The following SGCD variants were observed in gnomAD, a reference collection of about 807,000 sequenced individuals.
SGCD encodes delta-sarcoglycan.
Under a neutral mutation model 36.6 loss-of-function variants are expected in SGCD, and 18 were observed. That is an observed-to-expected ratio of 0.49 (90% CI 0.34 to 0.73). The LOEUF is 0.73. Ranked by LOEUF, SGCD falls within the 30% of genes least tolerant of loss-of-function variation. SGCD has a pLI of 0.01. For missense variants in SGCD, 387 were observed against 346.7 expected (o/e 1.12, Z -0.92); for synonymous variants, 133 against 130.6 (o/e 1.02, Z -0.12).
chr5:156,606,920 G>A (rs755649996), intron 6 of SGCD, among the ~76,000 whole-genome samples: 55 of 152,194 alleles, frequency 3.6e-4, no homozygotes, highest in Non-Finnish European at 6.6e-4. Context: ...TGCTGAATTT[G>A]CCTATCAGCT....
chr5:156,102,933 A>C (rs1761555247), intron 1 of SGCD, among the ~76,000 whole-genome samples: 2 of 152,194 alleles, frequency 1.3e-5, no homozygotes, highest in African/African-American at 2.4e-5. Flanking sequence ...CCTCATAAAA[A>C]TTTATCCTTC....
chr5:156,619,144 G>A (rs1056639573), intron 6 of SGCD, among the ~76,000 whole-genome samples: 10 of 151,802 alleles, frequency 6.6e-5, no homozygotes, highest in Admixed American at 2.0e-4. Context: ...GCCTGCCTCA[G>A]CCTCCAGAGT....
chr5:156,073,806 G>A (rs142163741), intron 1 of SGCD, among the ~76,000 whole-genome samples: 1 of 152,298 alleles, frequency 6.6e-6, no homozygotes, highest in Non-Finnish European at 1.5e-5. Flanking sequence ...AGCCACAGGG[G>A]TTTTCTTCAT....
chr5:155,974,022 A>C (rs1247062462), intron 1 of SGCD, among the ~76,000 whole-genome samples: 1 of 152,196 alleles, frequency 6.6e-6, no homozygotes, highest in Non-Finnish European at 1.5e-5. Flanking sequence ...TTTATAAGCA[A>C]GTTCTCTCTG....
At chr5:156,417,395 A>G (rs904862685) in intron 3 of SGCD, among the ~76,000 whole-genome samples, 2 of 152,232 alleles carry the variant, frequency 1.3e-5, no homozygotes, top group African/African-American at 4.8e-5. Flanking sequence ...GATGACAAGA[A>G]TACCTCACAG....
chr5:156,244,727 G>A (rs1166800604), intron 3 of SGCD, among the ~76,000 whole-genome samples: 1 of 152,108 alleles, frequency 6.6e-6, no homozygotes, highest in African/African-American at 2.4e-5. Context: ...GATATTGATG[G>A]TTATAAATAT....
chr5:156,261,156 G>A (rs1765850504), intron 3 of SGCD, among the ~76,000 whole-genome samples: 1 of 152,024 alleles, frequency 6.6e-6, no homozygotes, highest in South Asian at 2.1e-4. Context: ...AGTTATACTG[G>A]TTTTATAAAA....
chr5:156,639,744 G>C (rs1182916660), intron 6 of SGCD, among the ~76,000 whole-genome samples: 1 of 151,946 alleles, frequency 6.6e-6, no homozygotes, highest in African/African-American at 2.4e-5. Flanking sequence ...GTTTAACACA[G>C]ATAAACTGTT....
intron 4 of SGCD, among the ~76,000 whole-genome samples, chr5:156,534,837 C>T (rs907102471): frequency 4.6e-5 from 7 of 152,040 alleles, no homozygotes; most frequent in African/African-American, 9.7e-5. Context: ...CAACAGTGTC[C>T]GCCACTTAAC....
Position 156,005,941 on chromosome 5 carries a change from C to T in SGCD, c.-281-111937C>T, listed in dbSNP as rs375505762. On this transcript the variant is annotated intron_variant, in intron 1 of 9. Coordinates refer to the SGCD transcript ENST00000517913. ...ATAGACTTTAGTGCCAGATGGGTGG[C>T]CTGGGTTTGAATTTCAGTTTCCCCC... Among the ~76,000 whole-genome samples the T allele has an allele frequency of 1.5e-3, 221 of 152,242 alleles. 3 individuals carry two copies. Among genetic ancestry groups the T allele is most frequent in the African/African-American group, 5.2e-3 (214 of 41,534 alleles).
chr5:156,144,146 A>G (rs1762650252), intron 3 of SGCD, among the ~76,000 whole-genome samples: 1 of 152,040 alleles, frequency 6.6e-6, no homozygotes, highest in African/African-American at 2.4e-5. Flanking sequence ...GTTGTTGGAC[A>G]TTTGGGTTGG....
chr5:156,305,362 G>T (rs1214066565), intron 3 of SGCD, among the ~76,000 whole-genome samples: 1 of 152,186 alleles, frequency 6.6e-6, no homozygotes, highest in East Asian at 1.9e-4. Context: ...TAGAGCTTGG[G>T]CCATGCTTTC....
chr5:156,575,431 G>C (rs996244178), intron 4 of SGCD, among the ~76,000 whole-genome samples: 13 of 152,174 alleles, frequency 8.5e-5, no homozygotes, highest in African/African-American at 2.7e-4. Context: ...CACTGTAGTA[G>C]AACAAGCGGA....
intron 3 of SGCD, among the ~76,000 whole-genome samples, chr5:156,352,980 A>C (rs982149498): frequency 6.6e-6 from 1 of 152,198 alleles, no homozygotes; most frequent in Non-Finnish European, 1.5e-5. Context: ...AACATGGTTT[A>C]TTTACCCTGA....
chr5:156,743,905 T>A lies in SGCD; in HGVS notation c.576-13676T>A, dbSNP rs570598969. ...TAGAACTTATATAATTAGAGAAGAT[T>A]ATGTTCCTTCTTCCTATTTTCTGGT... On this transcript the variant is annotated intron_variant, in intron 7 of 8. Coordinates refer to ENST00000337851, the MANE Select transcript of SGCD (RefSeq NM_000337.6). 6.8e-3 allele frequency among the ~76,000 whole-genome samples: 1,029 copies of A among 152,354 alleles called. 4 individuals carry two copies. The highest frequency in any genetic ancestry group is 0.012 in the Non-Finnish European group (784 of 68,034).
intron 3 of SGCD, among the ~76,000 whole-genome samples, chr5:156,267,321 A>G (rs1052535352): frequency 6.6e-6 from 1 of 152,204 alleles, no homozygotes; most frequent in South Asian, 2.1e-4. Context: ...CTTGTTTTTT[A>G]TTTCCTGGTA....
At chr5:156,033,285 A>G (rs1056884239) in intron 1 of SGCD, among the ~76,000 whole-genome samples, 41 of 152,254 alleles carry the variant, frequency 2.7e-4, no homozygotes, top group African/African-American at 9.9e-4. Flanking sequence ...GGTTTCTTAC[A>G]TACATATATT....
At chr5:156,524,094 CTATATATATATATATA>C (rs60414987) in intron 4 of SGCD, among the ~76,000 whole-genome samples, 1,053 of 40,490 alleles carry the variant, frequency 0.026, 19 homozygotes, top group South Asian at 0.037. Flanking sequence ...TGAGGTCTTA[CTATATATATATATATA>C]TATATATATA....
intron 1 of SGCD, among the ~76,000 whole-genome samples, chr5:156,086,989 CT>C (rs1195561007): frequency 6.6e-6 from 1 of 152,056 alleles, no homozygotes; most frequent in African/African-American, 2.4e-5. Flanking sequence ...TTTCAAGTAC[CT>C]GGGCTCATGA....
Sources: gnomAD v4.1 joint callset for allele counts (sites outside exome capture counted in the v4.1 genomes callset) on GRCh38, gnomAD v4.1.1 for gene constraint, MANE v1.5 for transcripts, NCBI Gene and HGNC (gene_info 2026-07-23, HGNC 2026-07-21) for gene names.